Variants in CACNA1B observed in about 807,000 individuals in gnomAD.
CACNA1B encodes the protein calcium voltage-gated channel subunit alpha1 B, also known as voltage-dependent N-type calcium channel subunit alpha-1B.
CACNA1B carries 70 observed loss-of-function variants against 247.2 expected under a neutral mutation model. The ratio of observed to expected loss-of-function variants is 0.28; its 90% CI spans 0.23 to 0.35. The LOEUF is 0.35. CACNA1B is among the 10% of genes least tolerant of loss of function. The pLI, the probability that CACNA1B is intolerant of heterozygous loss-of-function variation, is 1.00. For missense variants in CACNA1B, 2,367 were observed against 3,197.4 expected, an observed-to-expected ratio of 0.74 and a Z score of 6.26; for synonymous variants, 1,231 against 1,294.4, an observed-to-expected ratio of 0.95 and a Z score of 1.05.
intron 3 of CACNA1B, among the ~76,000 whole-genome samples, chr9:137,901,298 C>T (rs930309979): frequency 2.0e-5 from 3 of 150,428 alleles, no homozygotes; most frequent in Non-Finnish European, 4.4e-5. Context: ...GTGTCTGTGC[C>T]ATGTGTCCCA....
intron 18 of CACNA1B, among the ~76,000 whole-genome samples, chr9:138,016,589 C>A (rs571271324): frequency 6.6e-6 from 1 of 152,168 alleles, no homozygotes. Context: ...AGGGACCAGG[C>A]GGCATCTCCG....
At chr9:138,065,005 T>C (rs1257456252) in intron 31 of CACNA1B, among the ~76,000 whole-genome samples, 1 of 152,208 alleles carries the variant, frequency 6.6e-6, no homozygotes, top group African/African-American at 2.4e-5. Context: ...GGTCCTATGC[T>C]CAGCATCTGC....
intron 16 of CACNA1B, among the ~76,000 whole-genome samples, chr9:138,008,621 C>T (rs1958684704): frequency 6.6e-6 from 1 of 152,240 alleles, no homozygotes; most frequent in Non-Finnish European, 1.5e-5. Context: ...CTGTTGGCCT[C>T]ATACAGAGCC....
At chr9:137,878,902 C>G (rs375690402) in intron 1 of CACNA1B, 152 bp from the exon 2 acceptor site, 9 of 574,600 alleles carry the variant, frequency 1.6e-5, no homozygotes, top group African/African-American at 7.5e-5. Context: ...TGAGGGAGAC[C>G]AGGCCGCTTC....
At chr9:137,896,106 GC>G (rs1957169232) in intron 3 of CACNA1B, among the ~76,000 whole-genome samples, 1 of 152,086 alleles carries the variant, frequency 6.6e-6, no homozygotes. Context: ...GGGTGTGGTG[GC>G]AGGCGCCTGT....
In CACNA1B at chr9:138,023,639, C is replaced by A; in HGVS notation, c.2896C>A (p.Pro966Thr). The change falls in exon 19 of 47, where the codon CCC becomes ACC. Residue 966 changes from proline to threonine, a missense_variant. Pro to Thr is a conservative substitution (Grantham distance 38). Transcript: ENST00000371372. ...GCACCGCGGCGGCCCCCGAGCGGGG[C>A]CCCGGGAGGCGGAGAGCGGGGAGGA... ...ARHRGGPRAG[P>T]REAESGEEPA... 7.2e-7 allele frequency: 1 copy of A among 1,386,684 alleles called. No homozygotes were observed. Among genetic ancestry groups the A allele is most frequent in the African/African-American group, 1.5e-5 (1 of 65,050 alleles). The allele number at this position is 1,386,684 out of a possible 1,614,324, so 85.9% of individuals were successfully genotyped here.
Position 138,054,094 on chromosome 9 carries a change from C to A in CACNA1B, c.3968+88C>A. The A allele has an allele frequency of 2.3e-6, 3 of 1,302,730 alleles. No homozygotes were observed. Among genetic ancestry groups the A allele is most frequent in the South Asian group, 2.5e-5 (2 of 79,998 alleles). The allele number at this position is 1,302,730 out of a possible 1,614,324, so 80.7% of individuals were successfully genotyped here. ...TCCCTTGGGACCAGGTGGAGCTGGT[C>A]ACACGGCGTGGGAGACTCCACTGCA... is the stretch of plus-strand genomic sequence containing the variant. On this transcript the variant is annotated intron_variant, in intron 26 of 46. Transcript: ENST00000371372. This position sits in a 1 kb window ranked among gnomAD's most constrained non-coding sequence, Gnocchi z 4.6.
At chr9:138,109,949 G>A (rs1299499256) in intron 39 of CACNA1B, among the ~76,000 whole-genome samples, 1 of 152,036 alleles carries the variant, frequency 6.6e-6, no homozygotes, top group African/African-American at 2.4e-5. Flanking sequence ...TAGTCCCTGG[G>A]AGGCTGAGGC....
chr9:138,088,981 A>AAAAAAAAAAAAAAAAAAAC (rs1960793113), intron 36 of CACNA1B, among the ~76,000 whole-genome samples: 1 of 122,116 alleles, frequency 8.2e-6, no homozygotes. Flanking sequence ...AAAAAAAAAA[A>AAAAAAAAAAAAAAAAAAAC]AAAAAAAAAA....
intron 6 of CACNA1B, among the ~76,000 whole-genome samples, chr9:137,929,439 C>T (rs1957585803): frequency 6.6e-6 from 1 of 152,096 alleles, no homozygotes; most frequent in Admixed American, 6.5e-5. Context: ...CCTGTAGTTC[C>T]AGCTACTCGG....
chr9:137,984,077 A>G, intron 12 of CACNA1B, 61 bp from the exon 13 acceptor site: 1 of 1,232,214 alleles, frequency 8.1e-7, no homozygotes, highest in Non-Finnish European at 1.2e-6. Flanking sequence ...GTGCACACAC[A>G]TCCATCTGCA....
chr9:137,953,695 G>A (rs2133339951), intron 7 of CACNA1B, among the ~76,000 whole-genome samples: 1 of 152,286 alleles, frequency 6.6e-6, no homozygotes, highest in East Asian at 1.9e-4. Flanking sequence ...GCCAGGCTAA[G>A]GAAGGAGGAG....
intron 10 of CACNA1B, among the ~76,000 whole-genome samples, chr9:137,969,434 C>T (rs1386190095): frequency 6.6e-6 from 1 of 152,136 alleles, no homozygotes; most frequent in Non-Finnish European, 1.5e-5. Flanking sequence ...GGCTGTGGCC[C>T]ATTGTGAAAG....
At chr9:138,101,322 A>G in intron 37 of CACNA1B, 1 of 447,318 alleles carries the variant, frequency 2.2e-6, no homozygotes, top group Non-Finnish European at 4.5e-6. Flanking sequence ...CCTGCCCCGC[A>G]CTCCAGCCTC....
At chr9:138,013,751 G>A (rs1958755638) in intron 18 of CACNA1B, among the ~76,000 whole-genome samples, 1 of 152,254 alleles carries the variant, frequency 6.6e-6, no homozygotes, top group South Asian at 2.1e-4. Context: ...ACCATATTTG[G>A]AGGTGTTAGG....
intron 36 of CACNA1B, among the ~76,000 whole-genome samples, chr9:138,079,114 C>A (rs949088751): frequency 5.9e-5 from 9 of 152,302 alleles, no homozygotes; most frequent in Admixed American, 5.9e-4. Flanking sequence ...CAAAGCAGTG[C>A]CTGAGTGCCT....
chr9:137,971,147 A>G lies in CACNA1B; in HGVS notation c.1334-236A>G, dbSNP rs1228537555. ...GATGCTGGGGACCAGAGAAGTGAGT[A>G]CAGATCATCCACTTCAATCTGGCTC... On this transcript the variant is annotated intron_variant, in intron 10 of 46. Coordinates refer to ENST00000371372, the MANE Select transcript of CACNA1B (RefSeq NM_000718.4). The surrounding 1 kb of genome is among the most constrained non-coding windows in gnomAD (Gnocchi z 4.4). 2.0e-5 allele frequency among the ~76,000 whole-genome samples: 3 copies of G among 152,138 alleles called. No homozygotes were observed. The highest frequency in any genetic ancestry group is 2.9e-5 in the Non-Finnish European group (2 of 68,010).
chr9:137,879,606 G>T (rs975245699), intron 2 of CACNA1B, among the ~76,000 whole-genome samples: 20 of 152,258 alleles, frequency 1.3e-4, no homozygotes, highest in African/African-American at 4.6e-4. Context: ...TCTTGTGCGG[G>T]CCTGCTTGGA....
At chr9:138,074,875 G>A (rs571177186) in intron 34 of CACNA1B, among the ~76,000 whole-genome samples, 124 of 152,370 alleles carry the variant, frequency 8.1e-4, no homozygotes, top group Middle Eastern at 3.4e-3. Flanking sequence ...GACCCGCGGC[G>A]GGGGTTACAT....
Sources: gnomAD v4.1 joint callset for allele counts (sites outside exome capture counted in the v4.1 genomes callset) on GRCh38, gnomAD v4.1.1 for gene constraint, Gnocchi (gnomAD v3.1) non-coding constraint, MANE v1.5 for transcripts, NCBI Gene and HGNC (gene_info 2026-07-23, HGNC 2026-07-21) for gene names.